Variants in NLGN1 observed in about 807,000 individuals in gnomAD.
NLGN1 encodes the protein neuroligin 1.
NLGN1 carries 12 observed loss-of-function variants against 65.5 expected under a neutral mutation model. That is an observed-to-expected ratio of 0.18 (90% CI 0.12 to 0.30). The LOEUF (loss-of-function observed/expected upper bound fraction) is 0.30. NLGN1 is among the 10% of genes least tolerant of loss of function. The pLI is 1.00. For synonymous variants in NLGN1, 350 were observed against 359.5 expected, an observed-to-expected ratio of 0.97 and a Z score of 0.30; for missense variants, 750 against 1,007.1, an observed-to-expected ratio of 0.74 and a Z score of 3.46.
intron 3 of NLGN1, 30 bp from the exon 4 acceptor site, chr3:173,807,650 A>G (rs755238377): frequency 1.1e-5 from 17 of 1,608,184 alleles, no homozygotes; most frequent in Non-Finnish European, 1.4e-5. Context: ...TTTTGAGGAT[A>G]AGAACGATTG....
chr3:173,603,126 A>G (rs1750813204), intron 2 of NLGN1, among the ~76,000 whole-genome samples: 1 of 152,148 alleles, frequency 6.6e-6, no homozygotes, highest in Non-Finnish European at 1.5e-5. Flanking sequence ...TGCCAGACCA[A>G]CACTTCTTTA....
intron 4 of NLGN1, among the ~76,000 whole-genome samples, chr3:173,989,408 A>T (rs1009747811): frequency 6.6e-6 from 1 of 152,192 alleles, no homozygotes; most frequent in Non-Finnish European, 1.5e-5. Flanking sequence ...CATGGGCAAC[A>T]CTTGAATGTG....
chr3:173,945,685 G>A (rs892813046), intron 4 of NLGN1, among the ~76,000 whole-genome samples: 2 of 152,110 alleles, frequency 1.3e-5, no homozygotes, highest in African/African-American at 4.8e-5. Context: ...TATATGTTCA[G>A]TATGTAAAAT....
intron 4 of NLGN1, among the ~76,000 whole-genome samples, chr3:174,211,112 C>T (rs897081482): frequency 5.9e-5 from 9 of 152,026 alleles, no homozygotes; most frequent in South Asian, 2.1e-4. Flanking sequence ...TGCAGATCTT[C>T]GCAGTGAGTG....
At chr3:173,948,346 T>C (rs1166478989) in intron 4 of NLGN1, among the ~76,000 whole-genome samples, 5 of 152,212 alleles carry the variant, frequency 3.3e-5, no homozygotes, top group Non-Finnish European at 5.9e-5. Flanking sequence ...CTGTTGATTT[T>C]ATCATTACGG....
chr3:173,447,845 G>C (rs1720676613), intron 2 of NLGN1, among the ~76,000 whole-genome samples: 1 of 152,172 alleles, frequency 6.6e-6, no homozygotes, highest in Non-Finnish European at 1.5e-5. Flanking sequence ...GTTCATTCAT[G>C]ATTTGGCTCT....
At chr3:173,494,136 T>TGTGA (rs1432935706) in intron 2 of NLGN1, among the ~76,000 whole-genome samples, 1 of 150,428 alleles carries the variant, frequency 6.6e-6, no homozygotes, top group Non-Finnish European at 1.5e-5. Context: ...TGTGTGTGTG[T>TGTGA]GTGTGTGTGT....
At chr3:173,450,976 A>G (rs973404572) in intron 2 of NLGN1, among the ~76,000 whole-genome samples, 10 of 151,924 alleles carry the variant, frequency 6.6e-5, no homozygotes, top group African/African-American at 2.4e-4. Context: ...ATTTTTTTTC[A>G]AAGTTTTTAA....
chr3:173,724,482 C>G, intron 3 of NLGN1: 1 of 213,968 alleles, frequency 4.7e-6, no homozygotes, highest in Non-Finnish European at 1.1e-5. Flanking sequence ...CACCATGTTA[C>G]GCAGGCTGGT....
intron 3 of NLGN1, among the ~76,000 whole-genome samples, chr3:173,666,980 GA>G (rs1478475661): frequency 2.0e-5 from 3 of 151,954 alleles, no homozygotes; most frequent in African/African-American, 7.3e-5. Context: ...TCAGAGATAG[GA>G]ACTTCTTGGA....
intron 3 of NLGN1, among the ~76,000 whole-genome samples, chr3:173,796,479 T>C (rs1186843609): frequency 6.6e-6 from 1 of 152,158 alleles, no homozygotes; most frequent in Non-Finnish European, 1.5e-5. Context: ...GAGTTCCCTT[T>C]ACCTTGCTTA....
At chr3:173,519,190 T>G (rs1350631889) in intron 2 of NLGN1, among the ~76,000 whole-genome samples, 1 of 152,172 alleles carries the variant, frequency 6.6e-6, no homozygotes, top group East Asian at 1.9e-4. Context: ...ATTACTATAC[T>G]ATGTATGGAA....
At chr3:173,582,154 T>C (rs562775489) in intron 2 of NLGN1, among the ~76,000 whole-genome samples, 1 of 152,216 alleles carries the variant, frequency 6.6e-6, no homozygotes, top group East Asian at 1.9e-4. Context: ...CTGCATATTA[T>C]ATTTTTTGAG....
intron 4 of NLGN1, among the ~76,000 whole-genome samples, chr3:174,037,511 A>G (rs1731396413): frequency 6.6e-6 from 1 of 152,184 alleles, no homozygotes; most frequent in South Asian, 2.1e-4. Context: ...GCAATATAAT[A>G]TCCCTCAAAG....
intron 3 of NLGN1, among the ~76,000 whole-genome samples, chr3:173,643,620 G>A (rs941411458): frequency 1.3e-5 from 2 of 152,158 alleles, no homozygotes; most frequent in East Asian, 3.8e-4. Flanking sequence ...TCATTCACTC[G>A]ATTGACATGT....
At chr3:173,861,834 C>A (rs535212031) in intron 4 of NLGN1, among the ~76,000 whole-genome samples, 217 of 151,364 alleles carry the variant, frequency 1.4e-3, no homozygotes, top group African/African-American at 5.0e-3. Context: ...TCTCGGCTCA[C>A]TGCAGCCTCC....
At chr3:173,635,974 A>G (rs1397471191) in intron 3 of NLGN1, among the ~76,000 whole-genome samples, 1 of 152,170 alleles carries the variant, frequency 6.6e-6, no homozygotes, top group African/African-American at 2.4e-5. Context: ...GCAGTTCCAC[A>G]GCAGAAGAGA....
At chr3:173,740,297 T>G (rs781297874) in intron 3 of NLGN1, among the ~76,000 whole-genome samples, 4 of 152,154 alleles carry the variant, frequency 2.6e-5, no homozygotes, top group Admixed American at 1.3e-4. Context: ...TGTGCTATAT[T>G]AAGTCAAATC....
In NLGN1 at chr3:173,933,803, A is replaced by G. The variant is rs201269556; in HGVS notation, c.646+125971A>G. ...CTTTGTTCTGAATAACATCAAGCAA[A>G]TTCTCAATGTACTTCATAAATGTTA... On this transcript the variant is annotated intron_variant, in intron 4 of 6. Coordinates refer to ENST00000457714, the Ensembl canonical transcript of NLGN1. Among the ~76,000 whole-genome samples, 10 of 152,178 alleles carry G rather than the reference A, an allele frequency of 6.6e-5. No homozygotes were observed. The East Asian group carries it at 1.9e-3, about 29-fold the overall frequency.
Sources: allele counts gnomAD v4.1 joint callset (sites outside exome capture counted in the v4.1 genomes callset), GRCh38; gene constraint gnomAD v4.1.1; transcripts MANE v1.5; gene names NCBI Gene and HGNC (gene_info 2026-07-23, HGNC 2026-07-21).